CELF1: variants seen among roughly 807,000 people sequenced by gnomAD.
CELF1 encodes 50 kDa nuclear polyadenylated RNA-binding protein.
In CELF1, 10 loss-of-function variants were observed where a neutral mutation model predicts 61.8. The observed-to-expected ratio is 0.16, with a 90% CI of 0.10 to 0.27. The LOEUF (loss-of-function observed/expected upper bound fraction) is 0.27. Ranked by LOEUF, CELF1 falls within the 10% of genes least tolerant of loss-of-function variation. The probability of loss-of-function intolerance (pLI) is 1.00; values close to 1 mark genes in which losing one functional copy is unlikely to be tolerated. For missense variants in CELF1, 380 were observed against 639.1 expected (o/e 0.59, Z 4.37); for synonymous variants, 236 against 225.1 (o/e 1.05, Z -0.43).
intron 1 of CELF1, among the ~76,000 whole-genome samples, chr11:47,517,031 G>A (rs1373901914): frequency 2.6e-5 from 4 of 152,092 alleles, no homozygotes; most frequent in Non-Finnish European, 5.9e-5. Flanking sequence ...AGGACTGCTT[G>A]AGCCCACAAG....
intron 8 of CELF1, 58 bp from the exon 9 acceptor site, chr11:47,482,914 A>AG (rs1454375832): frequency 1.3e-6 from 2 of 1,531,116 alleles, no homozygotes; most frequent in Non-Finnish European, 1.8e-6. Flanking sequence ...AAGAAAAAAA[A>AG]TCTTCCTTTT....
chr11:47,538,769 T>G (rs943194294), intron 1 of CELF1, among the ~76,000 whole-genome samples: 3 of 151,746 alleles, frequency 2.0e-5, no homozygotes. Context: ...CAAACCAAAA[T>G]ATCACAGGAA....
intron 1 of CELF1, among the ~76,000 whole-genome samples, chr11:47,522,055 C>T (rs974479164): frequency 2.0e-5 from 3 of 152,006 alleles, no homozygotes; most frequent in African/African-American, 7.2e-5. Context: ...GGATTACTGG[C>T]ATGTGCCACC....
intron 1 of CELF1, among the ~76,000 whole-genome samples, chr11:47,533,096 T>TC (rs1321688906): frequency 6.6e-6 from 1 of 152,148 alleles, no homozygotes; most frequent in East Asian, 1.9e-4. Context: ...CACAGTATTT[T>TC]TTTTTTTTGA....
At chr11:47,552,930 C>T (rs2097181300) in intron 1 of CELF1, 62 bp downstream of exon 1, 1 of 397,760 alleles carries the variant, frequency 2.5e-6, no homozygotes, top group Non-Finnish European at 4.4e-6. Flanking sequence ...CGGCGCCTCC[C>T]TCTTGCCTTT....
chr11:47,484,462 G>C lies in CELF1; in HGVS notation c.453C>G (p.Ile151Met). ...GTCCAAACGAAGAGAACATGACTCG[G>C]ATGTCATTTTCAGTGCACTTCTTGG... is the stretch of plus-strand genomic sequence containing the variant. The part of the protein sequence containing the change: ...MISKKCTEND[I>M]RVMFSSFGQI... Residue 151 changes from isoleucine (I) to methionine (M), a missense_variant, in exon 7 of 15, where the codon ATC becomes ATG. Coordinates refer to ENST00000687097, the MANE Select transcript of CELF1 (RefSeq NM_001376376.1). The C allele has an allele frequency of 6.2e-7, 1 of 1,613,452 alleles. No individual in the cohort carries two copies. Among genetic ancestry groups the C allele is most frequent in the Non-Finnish European group, 8.5e-7 (1 of 1,179,510 alleles).
At chr11:47,524,413 G>A (rs2096126866) in intron 1 of CELF1, 1 of 152,124 alleles carries the variant, frequency 6.6e-6, no homozygotes, top group South Asian at 2.1e-4. Context: ...ACGGTATTTT[G>A]TTAAATACAA....
intron 1 of CELF1, among the ~76,000 whole-genome samples, chr11:47,516,390 C>T (rs1175194291): frequency 1.3e-5 from 2 of 152,106 alleles, no homozygotes; most frequent in African/African-American, 4.8e-5. Context: ...GGAAGGCGAG[C>T]AGCTGCTTCC....
chr11:47,474,450 G>C (rs2079086989), intron 13 of CELF1, among the ~76,000 whole-genome samples: 1 of 152,186 alleles, frequency 6.6e-6, no homozygotes, highest in Non-Finnish European at 1.5e-5. Flanking sequence ...ATAAAATGCA[G>C]TGCCTCTGAC....
intron 12 of CELF1, among the ~76,000 whole-genome samples, 168 bp downstream of exon 12, chr11:47,476,678 G>A (rs2080336628): frequency 6.6e-6 from 1 of 152,114 alleles, no homozygotes; most frequent in South Asian, 2.1e-4. Flanking sequence ...CGCCCACCTT[G>A]ACCTCCCAAA....
At chr11:47,533,635 A>AATACGTACATAC (rs1555188505) in intron 1 of CELF1, among the ~76,000 whole-genome samples, 2 of 148,744 alleles carry the variant, frequency 1.3e-5, no homozygotes, top group African/African-American at 2.5e-5. Context: ...AAAATAAATA[A>AATACGTACATAC]ATACATACAT....
At chr11:47,492,318 T>C (rs1185997375) in intron 3 of CELF1, among the ~76,000 whole-genome samples, 1 of 152,222 alleles carries the variant, frequency 6.6e-6, no homozygotes, top group East Asian at 1.9e-4. Flanking sequence ...ATCATTTTAC[T>C]GGTTTTCCTG....
chr11:47,525,293 T>C (rs1243931271), intron 1 of CELF1, among the ~76,000 whole-genome samples: 1 of 152,216 alleles, frequency 6.6e-6, no homozygotes, highest in East Asian at 1.9e-4. Context: ...AAGCCAAATA[T>C]TTGTGTTCCA....
intron 1 of CELF1, among the ~76,000 whole-genome samples, chr11:47,521,844 G>A (rs1597837564): frequency 6.6e-6 from 1 of 152,092 alleles, no homozygotes; most frequent in Non-Finnish European, 1.5e-5. Context: ...AAAGACAACA[G>A]GTTCATCTGT....
At chr11:47,553,202 G>T, upstream of CELF1, 1 of 390,316 alleles carries the variant, frequency 2.6e-6, no homozygotes, top group South Asian at 1.3e-4. Flanking sequence ...AGCGCGGCGA[G>T]GGGGAACGTA....
At position 47,476,616 on chromosome 11, in the gene CELF1, C is replaced by T. The variant is rs185084853; in HGVS notation, c.1087+230G>A. 1.2e-4 allele frequency among the ~76,000 whole-genome samples: 18 copies of T among 152,162 alleles called. No homozygotes were observed. In the East Asian group the frequency reaches 1.9e-3, roughly 16 times the overall value. On this transcript the variant is annotated intron_variant, in intron 12 of 14. Coordinates refer to ENST00000687097, the MANE Select transcript of CELF1 (RefSeq NM_001376376.1). ...AATTTTTTTGTATTTTTAGGGGAGACGGGGTTTCACCGTGTTAGCCAGAAT... is the reference window on the plus strand; with the variant it reads ...AATTTTTTTGTATTTTTAGGGGAGATGGGGTTTCACCGTGTTAGCCAGAAT...
rs541583912 is a variant in CELF1, at chr11:47,517,623, T to C, written c.-153-16691A>G. Among the ~76,000 whole-genome samples the C allele has an allele frequency of 3.3e-5, 5 of 152,280 alleles. No individual in the cohort carries two copies. In the East Asian group the frequency reaches 9.6e-4, roughly 29 times the overall value. On this transcript the variant is annotated intron_variant, in intron 1 of 14. Transcript: ENST00000687097. ...TAGAGGTGGAACAGTGGTTGAATTG[T>C]TTACATGTGAACACGTTACCTATTC...
At chr11:47,494,480 G>A in intron 3 of CELF1, 1 of 983,918 alleles carries the variant, frequency 1.0e-6, no homozygotes, top group Non-Finnish European at 1.2e-6. Context: ...ATTGGGAAGA[G>A]ACACACGAGG....
At chr11:47,532,231 T>C (rs1188943855) in intron 1 of CELF1, among the ~76,000 whole-genome samples, 5 of 152,154 alleles carry the variant, frequency 3.3e-5, no homozygotes, top group South Asian at 2.1e-4. Flanking sequence ...GGTTTCACCA[T>C]GTTGGCCAGG....
Sources: allele counts gnomAD v4.1 joint callset (sites outside exome capture counted in the v4.1 genomes callset), GRCh38; gene constraint gnomAD v4.1.1; transcripts MANE v1.5; gene names NCBI Gene and HGNC (gene_info 2026-07-23, HGNC 2026-07-21).